Variants in GABBR2 observed in about 807,000 individuals in gnomAD.
The protein encoded by GABBR2 is G-protein coupled receptor 51.
In GABBR2, 23 loss-of-function variants were observed where a neutral mutation model predicts 105.6. That is an observed-to-expected ratio of 0.22 (90% CI 0.16 to 0.31). The LOEUF is 0.31. Among genes scored for constraint, GABBR2 ranks in the 10% least tolerant of loss-of-function variants. The pLI is 1.00. For missense variants in GABBR2, 734 were observed against 1,245.5 expected (o/e 0.59, Z 6.18); for synonymous variants, 478 against 499.7 (o/e 0.96, Z 0.58).
chr9:98,567,608 C>T (rs2131769837), intron 2 of GABBR2, among the ~76,000 whole-genome samples: 1 of 152,324 alleles, frequency 6.6e-6, no homozygotes, highest in East Asian at 1.9e-4. Context: ...AACATCACCA[C>T]CTGAGATCTT....
intron 1 of GABBR2, chr9:98,606,969 A>G: frequency 3.9e-6 from 3 of 775,486 alleles, no homozygotes; most frequent in Non-Finnish European, 6.9e-6. Context: ...GCCTGCATCC[A>G]AACCGCTGCT....
intron 1 of GABBR2, among the ~76,000 whole-genome samples, chr9:98,617,916 G>C (rs1588254717): frequency 6.6e-6 from 1 of 152,286 alleles, no homozygotes; most frequent in South Asian, 2.1e-4. Context: ...CCTGGAGCAA[G>C]TCCCCTTACC....
chr9:98,366,239 C>T (rs560253734), intron 12 of GABBR2, among the ~76,000 whole-genome samples: 1 of 152,282 alleles, frequency 6.6e-6, no homozygotes, highest in South Asian at 2.1e-4. Context: ...CTAAATGTGA[C>T]TTCTGGGTTG....
chr9:98,510,481 G>A (rs1326763321), intron 3 of GABBR2, among the ~76,000 whole-genome samples: 1 of 152,204 alleles, frequency 6.6e-6, no homozygotes, highest in African/African-American at 2.4e-5. Context: ...CTGGCAAATT[G>A]GATAAAGAGT....
intron 13 of GABBR2, among the ~76,000 whole-genome samples, chr9:98,355,785 G>C (rs1187292611): frequency 6.6e-6 from 1 of 152,160 alleles, no homozygotes; most frequent in African/African-American, 2.4e-5. Flanking sequence ...AAAGAACAAA[G>C]TTGGAGAAGT....
intron 1 of GABBR2, among the ~76,000 whole-genome samples, chr9:98,625,384 A>C (rs1217164064): frequency 1.3e-5 from 2 of 152,208 alleles, no homozygotes; most frequent in African/African-American, 4.8e-5. Context: ...CCCTGTCCTC[A>C]TACCCAGCGT....
chr9:98,502,420 C>CG (rs926121734), intron 3 of GABBR2, among the ~76,000 whole-genome samples: 6 of 151,974 alleles, frequency 3.9e-5, no homozygotes, highest in African/African-American at 1.5e-4. Context: ...CAGAGGACGC[C>CG]GGGTACTGCC....
chr9:98,301,751 T>C (rs2131347774), intron 16 of GABBR2, among the ~76,000 whole-genome samples: 1 of 152,288 alleles, frequency 6.6e-6, no homozygotes, highest in Middle Eastern at 3.4e-3. Context: ...AGAAGTGAAA[T>C]GCAGTGACAT....
chr9:98,311,060 T>A (rs778660705), intron 14 of GABBR2, 35 bp downstream of exon 14: 25 of 1,145,128 alleles, frequency 2.2e-5, no homozygotes, highest in Non-Finnish European at 3.2e-5. Flanking sequence ...CAAAGAAGTG[T>A]CCCCCCTCAA....
intron 1 of GABBR2, among the ~76,000 whole-genome samples, chr9:98,669,971 G>T (rs1171269389): frequency 2.0e-5 from 3 of 151,806 alleles, no homozygotes; most frequent in Non-Finnish European, 4.4e-5. Context: ...CAAGCGACCA[G>T]GGCGGGGGTG....
At chr9:98,655,771 G>A (rs1830171545) in intron 1 of GABBR2, among the ~76,000 whole-genome samples, 1 of 152,188 alleles carries the variant, frequency 6.6e-6, no homozygotes, top group Non-Finnish European at 1.5e-5. Flanking sequence ...TCACTCATAA[G>A]TGGGAGTTGA....
chr9:98,536,508 T>G (rs1828184518), intron 3 of GABBR2, among the ~76,000 whole-genome samples: 1 of 152,134 alleles, frequency 6.6e-6, no homozygotes, highest in African/African-American at 2.4e-5. Context: ...CTCTGCTGTC[T>G]TTCTAGGCAT....
intron 1 of GABBR2, among the ~76,000 whole-genome samples, chr9:98,653,378 C>T (rs1830135846): frequency 6.6e-6 from 1 of 152,176 alleles, no homozygotes; most frequent in Non-Finnish European, 1.5e-5. Flanking sequence ...AGCAGTTAGT[C>T]TTCTTTACCC....
chr9:98,526,656 C>G (rs1459295241), intron 3 of GABBR2, among the ~76,000 whole-genome samples: 2 of 152,178 alleles, frequency 1.3e-5, no homozygotes, highest in Admixed American at 6.5e-5. Context: ...GACTTTGTTT[C>G]ACTCACTGAT....
At chr9:98,409,578 C>T (rs1832548881) in intron 7 of GABBR2, among the ~76,000 whole-genome samples, 1 of 152,196 alleles carries the variant, frequency 6.6e-6, no homozygotes, top group South Asian at 2.1e-4. Context: ...GGAGGCCCTC[C>T]TCCCCAGCGG....
intron 4 of GABBR2, among the ~76,000 whole-genome samples, chr9:98,481,536 C>G (rs1479144962): frequency 6.6e-6 from 1 of 152,164 alleles, no homozygotes; most frequent in Non-Finnish European, 1.5e-5. Context: ...ATTCCTGGAG[C>G]CTACAGAGCT....
At chr9:98,466,140 C>T (rs952456055) in intron 6 of GABBR2, among the ~76,000 whole-genome samples, 1 of 152,206 alleles carries the variant, frequency 6.6e-6, no homozygotes, top group East Asian at 1.9e-4. Flanking sequence ...GCTTCCTGTA[C>T]AGCCTGTGGA....
At chr9:98,590,898 T>C (rs1829137521) in intron 1 of GABBR2, among the ~76,000 whole-genome samples, 1 of 152,116 alleles carries the variant, frequency 6.6e-6, no homozygotes, top group Admixed American at 6.5e-5. Flanking sequence ...TAATGGAGGG[T>C]TGGACCTGGA....
In GABBR2 at chr9:98,439,687, T is replaced by C. The variant is rs555236490; in HGVS notation, c.1236+14294A>G. On this transcript the variant is annotated intron_variant, in intron 7 of 18. Transcript: ENST00000259455. The stretch of plus-strand genomic sequence containing the variant: ...ATGTCAGAATGTGAATTACCAAAGA[T>C]GGCAAGAGCTGCAAGAATCCAACTG... Among the ~76,000 whole-genome samples, 9 of 152,274 alleles carry C rather than the reference T, an allele frequency of 5.9e-5. No homozygotes were observed. The South Asian group carries it at 1.7e-3, about 28-fold the overall frequency.
Sources: allele counts gnomAD v4.1 joint callset (sites outside exome capture counted in the v4.1 genomes callset), GRCh38; gene constraint gnomAD v4.1.1; transcripts MANE v1.5; gene names NCBI Gene and HGNC (gene_info 2026-07-23, HGNC 2026-07-21).